KCNG2: variants seen among roughly 807,000 people sequenced by gnomAD.
The protein encoded by KCNG2 is voltage-gated potassium channel regulatory subunit KCNG2.
A neutral mutation model predicts 12.3 loss-of-function variants in KCNG2; 7 were observed. The ratio of observed to expected loss-of-function variants is 0.57; its 90% CI spans 0.32 to 1.07. The LOEUF (loss-of-function observed/expected upper bound fraction) is 1.07, where lower values mean the gene tolerates loss of function less well. Among genes scored for constraint, KCNG2 ranks in the 50% least tolerant of loss-of-function variants. The pLI is 0.04. For synonymous variants in KCNG2, 414 were observed against 351.4 expected (o/e 1.18, Z -1.99); for missense variants, 703 against 726.0 (o/e 0.97, Z 0.36).
At chr18:79,860,222 G>T (rs1979162913) in intron 2 of KCNG2, among the ~76,000 whole-genome samples, 1 of 152,198 alleles carries the variant, frequency 6.6e-6, no homozygotes, top group Non-Finnish European at 1.5e-5. Flanking sequence ...CTCCAACTTT[G>T]TCCTTTGTCA....
At chr18:79,872,869 C>A (rs1979903586) in intron 3 of KCNG2, among the ~76,000 whole-genome samples, 1 of 152,244 alleles carries the variant, frequency 6.6e-6, no homozygotes, top group Admixed American at 6.5e-5. Flanking sequence ...AGGTCTCTCT[C>A]CCCTTTTGCA....
rs932712920 is a variant in KCNG2 at position 79,884,124 on chromosome 18, G to A, written c.625-14916G>A. Among the ~76,000 whole-genome samples, 1 of 151,842 alleles carries A rather than the reference G, an allele frequency of 6.6e-6. No individual in the cohort carries two copies. Reference sequence around the variant, plus strand: ...CACCAGCCTCCCGCCTGCAATTTCCGTGGCACAGGCCGACCTCTCTCTGCC... The same window carrying A: ...CACCAGCCTCCCGCCTGCAATTTCCATGGCACAGGCCGACCTCTCTCTGCC... On this transcript the variant is annotated intron_variant, in intron 3 of 3. Coordinates refer to ENST00000316249, the MANE Select transcript of KCNG2 (RefSeq NM_012283.2). The surrounding 1 kb of genome is among the most constrained non-coding windows in gnomAD (Gnocchi z 5.5).
intron 1 of KCNG2, among the ~76,000 whole-genome samples, chr18:79,824,196 G>T (rs544336566): frequency 6.6e-6 from 1 of 152,128 alleles, no homozygotes; most frequent in African/African-American, 2.4e-5. Flanking sequence ...ACAGGGTTTC[G>T]CCATTTTGCC....
chr18:79,854,484 C>G (rs182230909), intron 1 of KCNG2, among the ~76,000 whole-genome samples: 1 of 151,290 alleles, frequency 6.6e-6, no homozygotes, highest in Non-Finnish European at 1.5e-5. Flanking sequence ...TCCTGCCTTC[C>G]GTAAGGCTGG....
Position 79,800,985 on chromosome 18 carries a change from G to A in KCNG2, c.-115+2971G>A, listed in dbSNP as rs1322476052. On this transcript the variant is annotated intron_variant, in intron 1 of 3. Transcript: ENST00000316249. This position sits in a 1 kb window ranked among gnomAD's most constrained non-coding sequence, Gnocchi z 4.0. Reference sequence around the variant, plus strand: ...GCAGCTGCCAACAGTCTGGCCACGAGGAGCTCCGTGCTGTTGAGGCACTGT... The same window carrying A: ...GCAGCTGCCAACAGTCTGGCCACGAAGAGCTCCGTGCTGTTGAGGCACTGT... Among the ~76,000 whole-genome samples the A allele has an allele frequency of 6.6e-6, 1 of 152,238 alleles. No individual in the cohort carries two copies. The highest frequency in any genetic ancestry group is 1.5e-5 in the Non-Finnish European group (1 of 68,046).
At position 79,899,531 on chromosome 18, in the gene KCNG2, C is replaced by T. The variant is rs778122961; in HGVS notation, c.1116C>T (p.Tyr372=). The part of the protein sequence containing the change: ...WAVISMTTVG[Y]GDMVPRSLPG... The stretch of plus-strand genomic sequence containing the variant: ...TCATCTCCATGACCACCGTGGGCTA[C>T]GGCGACATGGTCCCGCGCAGCCTGC... The change falls in exon 4 of 4, where the codon TAC becomes TAT. Residue 372 remains tyrosine (Y), a synonymous_variant. Coordinates refer to ENST00000316249, the MANE Select transcript of KCNG2 (RefSeq NM_012283.2). The T allele has an allele frequency of 2.6e-5, 42 of 1,606,252 alleles. No individual in the cohort carries two copies. In the Admixed American group the frequency reaches 5.9e-4, roughly 23 times the overall value.
chr18:79,798,390 G>C (rs1327521381), intron 1 of KCNG2, among the ~76,000 whole-genome samples: 3 of 152,068 alleles, frequency 2.0e-5, no homozygotes, highest in Non-Finnish European at 4.4e-5. Context: ...GCGGGAGCCC[G>C]GGTGAGCCGA....
intron 1 of KCNG2, among the ~76,000 whole-genome samples, chr18:79,841,179 G>A (rs1978449507): frequency 6.6e-6 from 1 of 152,130 alleles, no homozygotes. Context: ...ACTGAGGTGG[G>A]AAGATTGCTT....
rs1403708203 is a variant in KCNG2 at position 79,834,581 on chromosome 18, T to TCAAA, written c.-114-21783_-114-21780dup. Among the ~76,000 whole-genome samples the TCAAA allele has an allele frequency of 4.6e-5, 7 of 152,108 alleles. No homozygotes were observed. In the East Asian group the frequency reaches 5.8e-4, roughly 13 times the overall value. On this transcript the variant is annotated intron_variant, in intron 1 of 3. Coordinates refer to ENST00000316249, the MANE Select transcript of KCNG2 (RefSeq NM_012283.2). The stretch of plus-strand genomic sequence containing the variant: ...GGGAGCCCACGCTATTTAATGGTAC[T>TCAAA]CAAACAAACAAACAAACAGCTGGTG...
chr18:79,810,429 T>C (rs2087486226), intron 1 of KCNG2, among the ~76,000 whole-genome samples: 1 of 152,110 alleles, frequency 6.6e-6, no homozygotes, highest in African/African-American at 2.4e-5. Context: ...TGTCAAATAC[T>C]GATGCCGAGT....
chr18:79,878,769 A>G (rs1980179039), intron 3 of KCNG2, among the ~76,000 whole-genome samples: 1 of 152,232 alleles, frequency 6.6e-6, no homozygotes, highest in Admixed American at 6.5e-5. Flanking sequence ...GTAAATCCAC[A>G]TGGACGGTGC....
At chr18:79,830,108 C>T (rs1226448014) in intron 1 of KCNG2, among the ~76,000 whole-genome samples, 1 of 124,506 alleles carries the variant, frequency 8.0e-6, no homozygotes, top group African/African-American at 3.2e-5. Flanking sequence ...CTGGTGGGTC[C>T]ACGTGGCCAC....
chr18:79,861,519 T>C (rs1172101076), intron 2 of KCNG2, among the ~76,000 whole-genome samples: 1 of 152,160 alleles, frequency 6.6e-6, no homozygotes, highest in Non-Finnish European at 1.5e-5. Flanking sequence ...CCTCAGAGGA[T>C]CCACCTGCCT....
intron 1 of KCNG2, among the ~76,000 whole-genome samples, chr18:79,842,422 C>T (rs1177023469): frequency 6.6e-6 from 1 of 152,156 alleles, no homozygotes; most frequent in Non-Finnish European, 1.5e-5. Flanking sequence ...TTTAAATACT[C>T]AGATACCAAT....
intron 1 of KCNG2, among the ~76,000 whole-genome samples, chr18:79,847,563 A>G (rs1397446307): frequency 1.3e-5 from 2 of 152,186 alleles, no homozygotes; most frequent in Non-Finnish European, 2.9e-5. Context: ...ACTGCAAAGC[A>G]CCCGCCCCAT....
intron 1 of KCNG2, among the ~76,000 whole-genome samples, chr18:79,826,871 G>A (rs1375994021): frequency 1.3e-5 from 2 of 152,260 alleles, no homozygotes; most frequent in Non-Finnish European, 2.9e-5. Flanking sequence ...GTGAAAGAAG[G>A]TGTGGGAGTG....
At chr18:79,871,840 A>G (rs1979844922) in intron 3 of KCNG2, among the ~76,000 whole-genome samples, 1 of 152,232 alleles carries the variant, frequency 6.6e-6, no homozygotes, top group South Asian at 2.1e-4. Context: ...TTTACCAGGG[A>G]GGCAGGTGCC....
At chr18:79,865,361 T>G (rs1319227157) in intron 3 of KCNG2, among the ~76,000 whole-genome samples, 1 of 115,670 alleles carries the variant, frequency 8.6e-6, no homozygotes, top group Non-Finnish European at 1.7e-5. Flanking sequence ...TGCTGAGAGG[T>G]CTGTGTGCTG....
chr18:79,816,917 G>A (rs772546887), intron 1 of KCNG2, among the ~76,000 whole-genome samples: 26 of 152,202 alleles, frequency 1.7e-4, no homozygotes, highest in Non-Finnish European at 2.2e-4. Flanking sequence ...AAGACGCAGC[G>A]GCCTCAGGTC....
Sources: allele counts gnomAD v4.1 joint callset (sites outside exome capture counted in the v4.1 genomes callset), GRCh38; gene constraint gnomAD v4.1.1; non-coding constraint Gnocchi (gnomAD v3.1); transcripts MANE v1.5; gene names NCBI Gene and HGNC (gene_info 2026-07-23, HGNC 2026-07-21).